CNST: variants seen among roughly 807,000 people sequenced by gnomAD.
CNST encodes consortin, connexin sorting protein.
In CNST, 39 loss-of-function variants were observed where a neutral mutation model predicts 72.4. The ratio of observed to expected loss-of-function variants is 0.54; its 90% CI spans 0.42 to 0.70. CNST has a LOEUF of 0.70. CNST is among the 30% of genes least tolerant of loss of function. CNST has a pLI of 0.00. For missense variants in CNST, 871 were observed against 868.5 expected (o/e 1.00, Z -0.04); for synonymous variants, 332 against 320.1 (o/e 1.04, Z -0.40).
At chr1:246,614,299 T>A (rs906750575) in intron 2 of CNST, among the ~76,000 whole-genome samples, 1 of 152,200 alleles carries the variant, frequency 6.6e-6, no homozygotes, top group Admixed American at 6.5e-5. Flanking sequence ...ACTTTGACTG[T>A]AACCTCTCAC....
At chr1:246,597,973 G>GTATT (rs55701547) in intron 2 of CNST, among the ~76,000 whole-genome samples, 51 of 150,248 alleles carry the variant, frequency 3.4e-4, no homozygotes, top group Non-Finnish European at 6.5e-4. Context: ...TCACAAGATG[G>GTATT]TATTTATTTA....
intron 2 of CNST, among the ~76,000 whole-genome samples, chr1:246,595,565 A>G (rs1661821255): frequency 6.6e-6 from 1 of 152,154 alleles, no homozygotes; most frequent in African/African-American, 2.4e-5. Flanking sequence ...TTTTCGGTTA[A>G]ATTCTTAGCT....
At position 246,566,740 on chromosome 1, in the gene CNST, C is replaced by T. The variant is rs1037259143; in HGVS notation, c.-52+77C>T. The T allele has an allele frequency of 5.8e-5, 23 of 399,966 alleles. 1 individual carries two copies. In the South Asian group the frequency reaches 1.5e-3, roughly 26 times the overall value. The allele number at this position is 399,966 out of a possible 1,614,324, so 24.8% of individuals were successfully genotyped here. A position where few individuals can be genotyped will look rare whatever the true frequency, so the allele number is the denominator to read the frequency against. On this transcript the variant is annotated intron_variant, in intron 1 of 10. Transcript: ENST00000366513. ...TGGAAAGCCTTTCGGAAGCCTCTCG[C>T]TCCTCCCCCTGCGCTGTCCTCCTCC...
rs1664999052 is a variant in CNST, at chr1:246,634,414, T to TC, written c.704-59_704-58insC. On this transcript the variant is annotated intron_variant, in intron 5 of 10. Transcript: ENST00000366513. Reference sequence around the variant, plus strand: ...TGGTGCTAGTTAACTGTTTGTTTGTTTTTTTGCTCCTAAATATGTTTTATA... The same window carrying TC: ...TGGTGCTAGTTAACTGTTTGTTTGTTCTTTTTGCTCCTAAATATGTTTTATA... 3 of 1,036,406 alleles carry TC rather than the reference T, an allele frequency of 2.9e-6. No individual in the cohort carries two copies. The East Asian group carries it at 7.3e-5, about 25-fold the overall frequency. 64.2% of individuals were successfully genotyped at this position (1,036,406 alleles called of 1,614,324 possible). A position where few individuals can be genotyped will look rare whatever the true frequency, so the allele number is the denominator to read the frequency against.
At chr1:246,600,951 T>C (rs1234525488) in intron 2 of CNST, among the ~76,000 whole-genome samples, 1 of 152,180 alleles carries the variant, frequency 6.6e-6, no homozygotes, top group Non-Finnish European at 1.5e-5. Context: ...AGGATGTGAA[T>C]CTAGGGCTCC....
intron 2 of CNST, among the ~76,000 whole-genome samples, chr1:246,615,434 C>G (rs1332072571): frequency 6.6e-6 from 1 of 151,830 alleles, no homozygotes; most frequent in African/African-American, 2.4e-5. Flanking sequence ...CTCGGCCTCC[C>G]AAAGTGCTGG....
At chr1:246,602,391 A>C (rs928085486) in intron 2 of CNST, among the ~76,000 whole-genome samples, 13 of 152,156 alleles carry the variant, frequency 8.5e-5, no homozygotes, top group Admixed American at 8.5e-4. Context: ...GGCCAGGGCT[A>C]TAGTCATCTC....
intron 6 of CNST, among the ~76,000 whole-genome samples, chr1:246,637,208 A>T (rs1665330913): frequency 6.6e-6 from 1 of 152,206 alleles, no homozygotes; most frequent in South Asian, 2.1e-4. Flanking sequence ...CCCTGGTACG[A>T]TGGACCCAGT....
chr1:246,608,996 G>A (rs1663119242), intron 2 of CNST, among the ~76,000 whole-genome samples: 1 of 152,178 alleles, frequency 6.6e-6, no homozygotes, highest in African/African-American at 2.4e-5. Context: ...AGGTTAACAG[G>A]GCAGCTGGAC....
At chr1:246,580,491 C>T (rs916680710) in intron 1 of CNST, among the ~76,000 whole-genome samples, 2 of 152,046 alleles carry the variant, frequency 1.3e-5, no homozygotes, top group Non-Finnish European at 1.5e-5. Context: ...AATTGCACTT[C>T]TCTGATTAGA....
At position 246,667,931 on chromosome 1, in the gene CNST, A is replaced by C. The variant is rs1207304766; in HGVS notation, c.*2026A>C. On this transcript the variant is annotated 3_prime_UTR_variant, in exon 11 of 11. Transcript: ENST00000366513. ...AACCAGAGCCACTTCCTCTGAACCC[A>C]ACATCTCCTGGGGACCTTCGCAGCA... is the stretch of plus-strand genomic sequence containing the variant. 3 of 152,206 alleles carry C rather than the reference A, an allele frequency of 2.0e-5. No individual in the cohort carries two copies. Among genetic ancestry groups the C allele is most frequent in the African/African-American group, 7.2e-5 (3 of 41,446 alleles). The allele number at this position is 152,206 out of a possible 1,614,324, so 9.4% of individuals were successfully genotyped here.
At chr1:246,665,054 A>C (rs1360622886) in intron 10 of CNST, among the ~76,000 whole-genome samples, 4 of 152,282 alleles carry the variant, frequency 2.6e-5, no homozygotes, top group African/African-American at 7.2e-5. Context: ...TAGAACAGCC[A>C]GGCTGTACTG....
intron 2 of CNST, among the ~76,000 whole-genome samples, chr1:246,593,262 G>C (rs1462569299): frequency 6.6e-6 from 1 of 151,296 alleles, no homozygotes; most frequent in Non-Finnish European, 1.5e-5. Flanking sequence ...GGCTTTTCAC[G>C]TCCCTGTATC....
chr1:246,574,972 T>TTTTATTTATTTATTTC (rs1660301651), intron 1 of CNST, among the ~76,000 whole-genome samples: 1 of 143,586 alleles, frequency 7.0e-6, no homozygotes, highest in Non-Finnish European at 1.5e-5. Flanking sequence ...TCCTCAAGTA[T>TTTTATTTATTTATTTC]TTTATTTATT....
intron 8 of CNST, among the ~76,000 whole-genome samples, chr1:246,643,931 T>G (rs555371109): frequency 2.0e-5 from 3 of 152,304 alleles, no homozygotes; most frequent in African/African-American, 7.2e-5. Flanking sequence ...AAATAATACA[T>G]TGTACCCACA....
chr1:246,635,305 CTG>C (rs1449412955), intron 6 of CNST, among the ~76,000 whole-genome samples: 2 of 151,834 alleles, frequency 1.3e-5, no homozygotes, highest in Non-Finnish European at 2.9e-5. Flanking sequence ...TGGCGATTAA[CTG>C]TAGTTTCAAC....
intron 8 of CNST, among the ~76,000 whole-genome samples, chr1:246,644,812 A>ACCT (rs1439399324): frequency 6.6e-6 from 1 of 152,106 alleles, no homozygotes; most frequent in African/African-American, 2.4e-5. Context: ...CATCTTCTGA[A>ACCT]CCTTTGGGTA....
intron 2 of CNST, among the ~76,000 whole-genome samples, chr1:246,617,823 T>C (rs138938956): frequency 6.6e-6 from 1 of 152,360 alleles, no homozygotes; most frequent in African/African-American, 2.4e-5. Context: ...TCCTATTTTA[T>C]ATGTGCCTAA....
intron 1 of CNST, among the ~76,000 whole-genome samples, chr1:246,568,252 C>T (rs1659847348): frequency 6.6e-6 from 1 of 152,144 alleles, no homozygotes; most frequent in Non-Finnish European, 1.5e-5. Context: ...CAAAGTTAGC[C>T]TACTGAGTCC....
Sources: allele counts gnomAD v4.1 joint callset (sites outside exome capture counted in the v4.1 genomes callset), GRCh38; gene constraint gnomAD v4.1.1; transcripts MANE v1.5; gene names NCBI Gene and HGNC (gene_info 2026-07-23, HGNC 2026-07-21).